SUGCT: variants seen among roughly 807,000 people sequenced by gnomAD.
The protein encoded by SUGCT is succinyl-CoA:glutarate-CoA transferase.
Under a neutral mutation model 55.0 loss-of-function variants are expected in SUGCT, and 41 were observed. The observed-to-expected ratio is 0.74, with a 90% CI of 0.58 to 0.97. The LOEUF (loss-of-function observed/expected upper bound fraction) is 0.97, where lower values mean the gene tolerates loss of function less well. SUGCT is among the 50% of genes least tolerant of loss of function. SUGCT has a pLI of 0.00. For synonymous variants in SUGCT, 187 were observed against 200.4 expected (o/e 0.93, Z 0.56); for missense variants, 568 against 547.8 (o/e 1.04, Z -0.37).
At chr7:40,287,265 T>A (rs1185466302) in intron 8 of SUGCT, among the ~76,000 whole-genome samples, 1 of 152,172 alleles carries the variant, frequency 6.6e-6, no homozygotes, top group Non-Finnish European at 1.5e-5. Flanking sequence ...TTCTGTAGGA[T>A]TTTTCCTGTG....
chr7:40,858,257 G>T (rs932198377), intron 13 of SUGCT, among the ~76,000 whole-genome samples: 1 of 151,954 alleles, frequency 6.6e-6, no homozygotes, highest in Non-Finnish European at 1.5e-5. Flanking sequence ...TACAAAATTA[G>T]CCGGGCATGG....
At chr7:41,034,278 G>A in the SUGCT span, among the ~76,000 whole-genome samples, 142 of 152,246 alleles carry the variant, frequency 9.3e-4, 1 homozygote, top group African/African-American at 3.2e-3. Context: ...GGAGAAGGGG[G>A]CACAGTACAT....
At chr7:40,976,024 C>T in the SUGCT span, among the ~76,000 whole-genome samples, 1,428 of 152,284 alleles carry the variant, frequency 9.4e-3, 17 homozygotes, top group African/African-American at 0.031. Flanking sequence ...GATATCCCTC[C>T]CACCCTTTGT....
At chr7:40,833,597 G>A (rs1484049916) in intron 13 of SUGCT, among the ~76,000 whole-genome samples, 1 of 152,186 alleles carries the variant, frequency 6.6e-6, no homozygotes, top group Non-Finnish European at 1.5e-5. Flanking sequence ...AAAATAATTA[G>A]GTCCTGCAAT....
intron 13 of SUGCT, among the ~76,000 whole-genome samples, chr7:40,794,506 A>G (rs1001703146): frequency 6.6e-6 from 1 of 152,094 alleles, no homozygotes; most frequent in African/African-American, 2.4e-5. Context: ...AGCTTTATGG[A>G]GGGATCACAA....
At chr7:40,425,553 C>G (rs111278329) in intron 9 of SUGCT, among the ~76,000 whole-genome samples, 3,424 of 152,214 alleles carry the variant, frequency 0.022, 117 homozygotes, top group African/African-American at 0.078. Flanking sequence ...CTGTTTCAGA[C>G]ACAATTAAGC....
chr7:40,821,600 C>T (rs1329041594), intron 13 of SUGCT, among the ~76,000 whole-genome samples: 2 of 152,078 alleles, frequency 1.3e-5, no homozygotes, highest in African/African-American at 4.8e-5. Flanking sequence ...TCTGTGGGAT[C>T]GGTGGTGATA....
intron 7 of SUGCT, among the ~76,000 whole-genome samples, chr7:40,251,960 TAG>T (rs1292934121): frequency 4.0e-5 from 6 of 151,546 alleles, no homozygotes; most frequent in African/African-American, 1.2e-4. Flanking sequence ...AAGAAATAAA[TAG>T]AGATGTTTTT....
the SUGCT span, among the ~76,000 whole-genome samples, chr7:40,939,688 G>A: frequency 6.6e-6 from 1 of 152,004 alleles, no homozygotes; most frequent in Admixed American, 6.6e-5. Flanking sequence ...TATGTCTTCT[G>A]TTGAGAAGTG....
chr7:40,804,023 T>A (rs904673577), intron 13 of SUGCT, among the ~76,000 whole-genome samples: 1 of 152,176 alleles, frequency 6.6e-6, no homozygotes, highest in Non-Finnish European at 1.5e-5. Flanking sequence ...TATGGTAGTA[T>A]GTTGACTAAA....
At chr7:40,425,568 T>C (rs1174614874) in intron 9 of SUGCT, among the ~76,000 whole-genome samples, 1 of 152,166 alleles carries the variant, frequency 6.6e-6, no homozygotes, top group East Asian at 1.9e-4. Context: ...TTAAGCTTTT[T>C]TGTTTTTTTA....
chr7:40,366,551 A>C (rs565768555), intron 9 of SUGCT, among the ~76,000 whole-genome samples: 5 of 152,194 alleles, frequency 3.3e-5, no homozygotes, highest in Middle Eastern at 3.4e-3. Flanking sequence ...CTACAATAAA[A>C]TCAAACAAAT....
At chr7:40,319,701 T>C (rs1795621832) in intron 9 of SUGCT, among the ~76,000 whole-genome samples, 1 of 152,234 alleles carries the variant, frequency 6.6e-6, no homozygotes, top group Non-Finnish European at 1.5e-5. Flanking sequence ...TTTTCTTCCC[T>C]ATTCTTTGGC....
the SUGCT span, among the ~76,000 whole-genome samples, chr7:40,990,309 A>T: frequency 6.6e-6 from 1 of 152,252 alleles, no homozygotes; most frequent in Non-Finnish European, 1.5e-5. Flanking sequence ...TTGGTGCAAA[A>T]GTATTTGCAG....
chr7:40,712,547 T>C (rs1446914171), intron 12 of SUGCT, among the ~76,000 whole-genome samples: 4 of 152,256 alleles, frequency 2.6e-5, no homozygotes, highest in Non-Finnish European at 4.4e-5. Flanking sequence ...TTTAGGATTA[T>C]ATAAAATTTG....
intron 12 of SUGCT, among the ~76,000 whole-genome samples, chr7:40,542,988 C>G (rs1794781530): frequency 6.6e-6 from 1 of 152,132 alleles, no homozygotes; most frequent in South Asian, 2.1e-4. Flanking sequence ...AACATTTAGG[C>G]CAATTGCTAT....
chr7:40,950,015 G>A, the SUGCT span, among the ~76,000 whole-genome samples: 1 of 152,128 alleles, frequency 6.6e-6, no homozygotes, highest in Admixed American at 6.5e-5. Flanking sequence ...AGCTTGATAG[G>A]GATGTCATTG....
intron 11 of SUGCT, among the ~76,000 whole-genome samples, chr7:40,490,888 C>T (rs1324535617): frequency 6.6e-6 from 1 of 152,026 alleles, no homozygotes; most frequent in Non-Finnish European, 1.5e-5. Context: ...AGGGACTGGT[C>T]TCAAAGAAAA....
intron 12 of SUGCT, among the ~76,000 whole-genome samples, chr7:40,562,424 G>A (rs1795893072): frequency 6.6e-6 from 1 of 152,158 alleles, no homozygotes; most frequent in Non-Finnish European, 1.5e-5. Context: ...GGATGCTGGT[G>A]TGATGGCAGT....
Sources: gnomAD v4.1 joint callset for allele counts (sites outside exome capture counted in the v4.1 genomes callset) on GRCh38, gnomAD v4.1.1 for gene constraint, MANE v1.5 for transcripts, NCBI Gene and HGNC (gene_info 2026-07-23, HGNC 2026-07-21) for gene names.